The following ADCY2 variants were observed in gnomAD, a reference collection of about 807,000 sequenced individuals.
ADCY2 encodes the protein adenylate cyclase 2.
In ADCY2, 31 loss-of-function variants were observed where a neutral mutation model predicts 125.2. The observed-to-expected ratio is 0.25, with a 90% CI of 0.19 to 0.33. The LOEUF is 0.33. Among genes scored for constraint, ADCY2 ranks in the 10% least tolerant of loss-of-function variants. The pLI, the probability that ADCY2 is intolerant of heterozygous loss-of-function variation, is 1.00. For missense variants in ADCY2, 904 were observed against 1,418.2 expected, an observed-to-expected ratio of 0.64 and a Z score of 5.82; for synonymous variants, 512 against 548.4, an observed-to-expected ratio of 0.93 and a Z score of 0.93.
intron 3 of ADCY2, among the ~76,000 whole-genome samples, chr5:7,546,472 A>G (rs1561086316): frequency 6.6e-6 from 1 of 152,158 alleles, no homozygotes; most frequent in African/African-American, 2.4e-5. Context: ...CGACTGGCCC[A>G]GGGCACACAG....
At position 7,407,064 on chromosome 5, in the gene ADCY2, A is replaced by G. The variant is rs181385149; in HGVS notation, c.211-7509A>G. ...ACCTTTATCCATTTGGTTTTCAACA[A>G]TGGGTTATCTGAGGGTCGGATGAAC... On this transcript the variant is annotated intron_variant, in intron 1 of 24. Coordinates refer to ENST00000338316, the MANE Select transcript of ADCY2 (RefSeq NM_020546.3). Among the ~76,000 whole-genome samples, 169 of 152,334 alleles carry G rather than the reference A, an allele frequency of 1.1e-3. 1 individual carries two copies. In the Middle Eastern group the frequency reaches 0.014, roughly 12 times the overall value.
rs199633693 is a variant in ADCY2 at position 7,603,567 on chromosome 5, G to A, written c.571-22600G>A. On this transcript the variant is annotated intron_variant, in intron 3 of 24. Transcript: ENST00000338316. ...GGTGGTGTAACCACCTCCTTGGACG[G>A]AGAGTGCCCATGCAGCCATTTTGAA... Among the ~76,000 whole-genome samples, 4 of 152,306 alleles carry A rather than the reference G, an allele frequency of 2.6e-5. No individual in the cohort carries two copies. The East Asian group carries it at 7.7e-4, about 29-fold the overall frequency.
At position 7,780,315 on chromosome 5, in the gene ADCY2, C is replaced by T. The variant is rs141369080; in HGVS notation, c.2385-4050C>T. Among the ~76,000 whole-genome samples, 545 of 152,312 alleles carry T rather than the reference C, an allele frequency of 3.6e-3. 2 individuals are homozygous for T. Among genetic ancestry groups the T allele is most frequent in the African/African-American group, 0.013 (520 of 41,550 alleles). On this transcript the variant is annotated intron_variant, in intron 18 of 24. Coordinates refer to ENST00000338316, the MANE Select transcript of ADCY2 (RefSeq NM_020546.3). Reference sequence around the variant, plus strand: ...CTGAGTGAGGCTCAGTGAGCAGACTCGTCCTTGTGGCATTATCAATTCGGA... The same window carrying T: ...CTGAGTGAGGCTCAGTGAGCAGACTTGTCCTTGTGGCATTATCAATTCGGA...
Position 7,774,820 on chromosome 5 carries a change from C to T in ADCY2, c.2384+1719C>T, listed in dbSNP as rs188581695. On this transcript the variant is annotated intron_variant, in intron 18 of 24. Transcript: ENST00000338316. ...AAAGCCAGCATCCTCCTCGGGGGCA[C>T]GCACCTGTCTCTCACTTCCTAATTT... Among the ~76,000 whole-genome samples the T allele has an allele frequency of 1.9e-3, 293 of 152,254 alleles. 3 individuals carry two copies. Among genetic ancestry groups the T allele is most frequent in the African/African-American group, 6.9e-3 (287 of 41,544 alleles).
rs534570941 is a variant in ADCY2, at chr5:7,415,516, C to T, written c.408+746C>T. Among the ~76,000 whole-genome samples the T allele has an allele frequency of 2.6e-5, 4 of 152,284 alleles. No homozygotes were observed. In the East Asian group the frequency reaches 7.7e-4, roughly 29 times the overall value. On this transcript the variant is annotated intron_variant, in intron 2 of 24. Coordinates refer to ENST00000338316, the MANE Select transcript of ADCY2 (RefSeq NM_020546.3). ...TTCCTATTTCTCCAGGTGCTTGCAA[C>T]CCTCCAGGACTGGTTGTTGTCCTTA...
chr5:7,727,356 A>C, intron 14 of ADCY2, 95 bp downstream of exon 14: 1 of 1,017,408 alleles, frequency 9.8e-7, no homozygotes, highest in South Asian at 1.5e-5. Context: ...GCTAATGTTT[A>C]GACAGAGGGG....
intron 7 of ADCY2, among the ~76,000 whole-genome samples, chr5:7,705,483 G>A (rs1274149388): frequency 1.3e-5 from 2 of 152,216 alleles, no homozygotes; most frequent in Non-Finnish European, 2.9e-5. Context: ...ATGCCAGCTG[G>A]CCACATGACA....
chr5:7,735,126 G>A (rs967684790), intron 14 of ADCY2, among the ~76,000 whole-genome samples: 1 of 152,102 alleles, frequency 6.6e-6, no homozygotes, highest in Non-Finnish European at 1.5e-5. Context: ...ATGGAAGAGA[G>A]GTCCATCTGA....
intron 2 of ADCY2, among the ~76,000 whole-genome samples, chr5:7,479,030 C>G (rs566842965): frequency 6.6e-6 from 1 of 151,998 alleles, no homozygotes; most frequent in South Asian, 2.1e-4. Context: ...ATATTATTGT[C>G]AGTGTTTGGA....
intron 4 of ADCY2, among the ~76,000 whole-genome samples, chr5:7,644,269 ATCC>A (rs1340602068): frequency 6.6e-6 from 1 of 152,070 alleles, no homozygotes; most frequent in Non-Finnish European, 1.5e-5. Flanking sequence ...GGCATTTTCC[ATCC>A]TCCTCCTTGA....
chr5:7,528,854 G>A (rs953078200), intron 3 of ADCY2, among the ~76,000 whole-genome samples: 1 of 152,154 alleles, frequency 6.6e-6, no homozygotes, highest in African/African-American at 2.4e-5. Context: ...GGGGTAGTTT[G>A]TGAAAGATAC....
At chr5:7,730,644 T>C (rs1356666758) in intron 14 of ADCY2, among the ~76,000 whole-genome samples, 1 of 152,196 alleles carries the variant, frequency 6.6e-6, no homozygotes, top group Non-Finnish European at 1.5e-5. Context: ...TCTTGAATAA[T>C]AGTTTAACTG....
chr5:7,498,819 A>G (rs1015537515), intron 2 of ADCY2, among the ~76,000 whole-genome samples: 1 of 152,214 alleles, frequency 6.6e-6, no homozygotes. Flanking sequence ...CTATATTTAC[A>G]CAATGGGATG....
At chr5:7,817,021 A>G in intron 23 of ADCY2, 41 bp downstream of exon 23, 1 of 1,492,594 alleles carries the variant, frequency 6.7e-7, no homozygotes, top group Non-Finnish European at 9.3e-7. Context: ...GTTGTGGCAA[A>G]GATGTGGAAT....
At chr5:7,742,982 G>T (rs1742480834) in intron 14 of ADCY2, among the ~76,000 whole-genome samples, 1 of 151,994 alleles carries the variant, frequency 6.6e-6, no homozygotes, top group Non-Finnish European at 1.5e-5. Context: ...GTTTTAAAAG[G>T]CTTTGAATTA....
intron 2 of ADCY2, among the ~76,000 whole-genome samples, chr5:7,508,484 G>A (rs1434710642): frequency 1.3e-5 from 2 of 152,136 alleles, no homozygotes; most frequent in Non-Finnish European, 1.5e-5. Context: ...ATTTAACCCA[G>A]GACTCAGTTG....
At chr5:7,590,675 T>C (rs1282439221) in intron 3 of ADCY2, among the ~76,000 whole-genome samples, 1 of 152,108 alleles carries the variant, frequency 6.6e-6, no homozygotes, top group South Asian at 2.1e-4. Flanking sequence ...ACAAAATTAT[T>C]TGACAAGACC....
At chr5:7,663,606 G>C (rs1416505557) in intron 4 of ADCY2, among the ~76,000 whole-genome samples, 1 of 152,216 alleles carries the variant, frequency 6.6e-6, no homozygotes, top group Non-Finnish European at 1.5e-5. Context: ...GAAGAGCCTG[G>C]AATGGGGCTT....
intron 3 of ADCY2, among the ~76,000 whole-genome samples, chr5:7,625,886 T>C (rs528581571): frequency 5.3e-5 from 8 of 152,266 alleles, no homozygotes; most frequent in Non-Finnish European, 8.8e-5. Flanking sequence ...TCTGTCCACA[T>C]TGCATTAGCC....
Sources: allele counts gnomAD v4.1 joint callset (sites outside exome capture counted in the v4.1 genomes callset), GRCh38; gene constraint gnomAD v4.1.1; transcripts MANE v1.5; gene names NCBI Gene and HGNC (gene_info 2026-07-23, HGNC 2026-07-21).